PSD3: variants seen among roughly 807,000 people sequenced by gnomAD.
The protein encoded by PSD3 is PH and SEC7 domain-containing protein 3.
A neutral mutation model predicts 105.5 loss-of-function variants in PSD3; 49 were observed. The observed-to-expected ratio is 0.46, with a 90% CI of 0.37 to 0.59. The LOEUF (loss-of-function observed/expected upper bound fraction) is 0.59, where lower values mean the gene tolerates loss of function less well. Ranked by LOEUF, PSD3 falls within the 20% of genes least tolerant of loss-of-function variation. PSD3 has a pLI of 0.00. For synonymous variants in PSD3, 557 were observed against 457.8 expected (o/e 1.22, Z -2.77); for missense variants, 1,561 against 1,263.8 (o/e 1.24, Z -3.57).
intron 9 of PSD3, among the ~76,000 whole-genome samples, chr8:18,705,710 T>C (rs1019195452): frequency 6.6e-6 from 1 of 152,098 alleles, no homozygotes. Context: ...ATATCTATAT[T>C]AAAAAAGTCT....
rs190322916 is a variant in PSD3 at position 19,084,297 on chromosome 8, G to A, written c.233C>T (p.Ala78Val). The change falls in exon 1 of 2, where the codon GCG becomes GTG. Residue 78 changes from alanine to valine, a missense_variant. Coordinates refer to the PSD3 transcript ENST00000521475. ...GTAGAGCCATGCCCTTGTCGCCTGC[G>A]CTGTGGTACCTGTGGCCTCCTTACA... 9 of 456,234 alleles carry A rather than the reference G, an allele frequency of 2.0e-5. No individual in the cohort carries two copies. In the East Asian group the frequency reaches 4.9e-4, roughly 25 times the overall value. 28.3% of individuals were successfully genotyped at this position (456,234 alleles called of 1,614,324 possible).
chr8:18,674,580 A>G (rs1176979732), intron 9 of PSD3, among the ~76,000 whole-genome samples: 2 of 152,310 alleles, frequency 1.3e-5, no homozygotes, highest in African/African-American at 4.8e-5. Context: ...TGTAAATACC[A>G]CTTAATCACA....
chr8:18,583,892 C>G (rs1400573319), intron 12 of PSD3, among the ~76,000 whole-genome samples: 1 of 152,098 alleles, frequency 6.6e-6, no homozygotes, highest in Non-Finnish European at 1.5e-5. Flanking sequence ...AGAAGACGGG[C>G]AAAGTCCTAA....
intron 4 of PSD3, among the ~76,000 whole-genome samples, chr8:18,838,801 CAAA>C (rs1814364045): frequency 8.9e-6 from 1 of 112,260 alleles, no homozygotes; most frequent in South Asian, 3.0e-4. Context: ...GACTCCGTCT[CAAA>C]TAATAATAAT....
chr8:18,662,418 T>C (rs1323938956), intron 9 of PSD3, among the ~76,000 whole-genome samples: 2 of 152,212 alleles, frequency 1.3e-5, no homozygotes, highest in Non-Finnish European at 2.9e-5. Flanking sequence ...ACTAATTTTT[T>C]TCCTACTTAC....
intron 4 of PSD3, among the ~76,000 whole-genome samples, chr8:18,847,556 A>G (rs1326446047): frequency 2.0e-5 from 3 of 152,222 alleles, no homozygotes; most frequent in East Asian, 1.9e-4. Context: ...CTGGTCACAA[A>G]TAACTAATCT....
intron 9 of PSD3, among the ~76,000 whole-genome samples, chr8:18,735,106 C>A (rs1247908075): frequency 6.6e-6 from 1 of 152,068 alleles, no homozygotes; most frequent in Non-Finnish European, 1.5e-5. Context: ...GTTGATTAAT[C>A]CTACATTCAG....
At chr8:18,928,949 C>G (rs1433642006) in intron 2 of PSD3, among the ~76,000 whole-genome samples, 2 of 152,042 alleles carry the variant, frequency 1.3e-5, no homozygotes. Context: ...TCCCAAGCAG[C>G]TGGAACTACA....
rs528251862 is a variant in PSD3 at position 18,954,237 on chromosome 8, C to T, written c.22-18095G>A. ...AAAAAAATCTGGAAAAAATAAAAAA[C>T]CAAGATACCTGTGGCACAGTGGATA... is the stretch of plus-strand genomic sequence containing the variant. On this transcript the variant is annotated intron_variant, in intron 1 of 15. Coordinates refer to ENST00000327040, the MANE Select transcript of PSD3 (RefSeq NM_015310.4). Among the ~76,000 whole-genome samples the T allele has an allele frequency of 2.0e-3, 306 of 152,022 alleles. 3 individuals carry two copies. Among genetic ancestry groups the T allele is most frequent in the Middle Eastern group, 6.8e-3 (2 of 294 alleles).
chr8:18,575,116 A>G lies in PSD3; in HGVS notation c.2639+12T>C. 1 of 1,609,840 alleles carries G rather than the reference A, an allele frequency of 6.2e-7. No individual in the cohort carries two copies. Among genetic ancestry groups the G allele is most frequent in the Non-Finnish European group, 8.5e-7 (1 of 1,178,220 alleles). On this transcript the variant is annotated intron_variant, in intron 13 of 15. Coordinates refer to ENST00000327040, the MANE Select transcript of PSD3 (RefSeq NM_015310.4). Reference sequence around the variant, plus strand: ...TAAAACACAAAATCAAATAAAAACCAACAAAACATACTGAGTTTGAAAAAG... The same window carrying G: ...TAAAACACAAAATCAAATAAAAACCGACAAAACATACTGAGTTTGAAAAAG...
intron 1 of PSD3, among the ~76,000 whole-genome samples, chr8:19,056,182 C>A (rs1828704100): frequency 6.6e-6 from 1 of 152,130 alleles, no homozygotes; most frequent in African/African-American, 2.4e-5. Flanking sequence ...TACAGGCAGA[C>A]AAAATATATT....
chr8:18,752,828 G>T (rs1030165526), intron 9 of PSD3, among the ~76,000 whole-genome samples: 5 of 149,438 alleles, frequency 3.3e-5, no homozygotes, highest in Non-Finnish European at 7.4e-5. Flanking sequence ...GGGAGTGAAA[G>T]AAAGAGCATG....
intron 1 of PSD3, among the ~76,000 whole-genome samples, chr8:19,057,817 A>G (rs1219787232): frequency 6.6e-6 from 1 of 152,248 alleles, no homozygotes; most frequent in East Asian, 1.9e-4. Context: ...TGGAGAAACT[A>G]GCTCTCGCAT....
rs188274188 is a variant in PSD3 at position 18,870,410 on chromosome 8, C to T, written c.1238+1216G>A. ...TAGATGTCAGAAATGCAGGGAAAGA[C>T]CAGGAAATACCACATGATGTCAAGT... is the stretch of plus-strand genomic sequence containing the variant. On this transcript the variant is annotated intron_variant, in intron 3 of 15. Coordinates refer to ENST00000327040, the MANE Select transcript of PSD3 (RefSeq NM_015310.4). 2.9e-4 allele frequency among the ~76,000 whole-genome samples: 43 copies of T among 150,070 alleles called. 2 individuals carry two copies. The East Asian group carries it at 5.9e-3, about 21-fold the overall frequency.
At chr8:18,921,583 T>C (rs1434010288) in intron 2 of PSD3, among the ~76,000 whole-genome samples, 1 of 152,098 alleles carries the variant, frequency 6.6e-6, no homozygotes, top group African/African-American at 2.4e-5. Flanking sequence ...GGGAGTCTCT[T>C]TAAGAAAAAG....
At chr8:19,014,151 G>C (rs1827096471), upstream of PSD3, 2 of 152,408 alleles carry the variant, frequency 1.3e-5, no homozygotes, top group Admixed American at 1.3e-4. The surrounding 1 kb of genome is among the most constrained non-coding windows in gnomAD (Gnocchi z 4.9). Flanking sequence ...AGGAAGGGCC[G>C]TGTGACTGGA....
intron 9 of PSD3, among the ~76,000 whole-genome samples, chr8:18,763,875 A>G (rs1300208994): frequency 6.6e-6 from 1 of 152,142 alleles, no homozygotes; most frequent in Non-Finnish European, 1.5e-5. Flanking sequence ...TCATTTCACT[A>G]TCATCTTCTC....
intron 10 of PSD3, among the ~76,000 whole-genome samples, chr8:18,638,732 G>GA (rs903689593): frequency 6.6e-6 from 1 of 151,884 alleles, no homozygotes; most frequent in African/African-American, 2.4e-5. Flanking sequence ...TATAGGGATA[G>GA]AAAAAATACT....
chr8:19,058,049 A>C (rs1270780823), intron 1 of PSD3, among the ~76,000 whole-genome samples: 2 of 152,242 alleles, frequency 1.3e-5, no homozygotes, highest in Non-Finnish European at 2.9e-5. Context: ...TGTCTTTCAA[A>C]GGATGAATGA....
Sources: gnomAD v4.1 joint callset for allele counts (sites outside exome capture counted in the v4.1 genomes callset) on GRCh38, gnomAD v4.1.1 for gene constraint, Gnocchi (gnomAD v3.1) non-coding constraint, MANE v1.5 for transcripts, NCBI Gene and HGNC (gene_info 2026-07-23, HGNC 2026-07-21) for gene names.